The following DAB1 variants were observed in gnomAD, a reference collection of about 807,000 sequenced individuals.
DAB1 encodes DAB adaptor protein 1.
In DAB1, 15 loss-of-function variants were observed where a neutral mutation model predicts 64.6. That is an observed-to-expected ratio of 0.23 (90% CI 0.16 to 0.36). The LOEUF (loss-of-function observed/expected upper bound fraction) is 0.36, where lower values mean the gene tolerates loss of function less well. Among genes scored for constraint, DAB1 ranks in the 10% least tolerant of loss-of-function variants. The pLI, the probability that DAB1 is intolerant of heterozygous loss-of-function variation, is 1.00. For missense variants in DAB1, 596 were observed against 706.7 expected (o/e 0.84, Z 1.78); for synonymous variants, 235 against 251.9 (o/e 0.93, Z 0.64).
chr1:57,286,679 A>T (rs939064512), intron 2 of DAB1, among the ~76,000 whole-genome samples: 1 of 152,224 alleles, frequency 6.6e-6, no homozygotes, highest in African/African-American at 2.4e-5. Context: ...TCCTACCAAA[A>T]ATCATTATAT....
intron 6 of DAB1, among the ~76,000 whole-genome samples, chr1:57,672,970 C>A (rs1172131476): frequency 6.6e-6 from 1 of 152,122 alleles, no homozygotes; most frequent in Non-Finnish European, 1.5e-5. Flanking sequence ...ATCATAGTGA[C>A]TCATCTTTTG....
At chr1:58,020,937 A>G (rs1177410723) in intron 5 of DAB1, among the ~76,000 whole-genome samples, 1 of 152,158 alleles carries the variant, frequency 6.6e-6, no homozygotes, top group Non-Finnish European at 1.5e-5. Flanking sequence ...CAGGAGGTGG[A>G]GGTTTCAGTG....
intron 3 of DAB1, among the ~76,000 whole-genome samples, chr1:58,361,589 T>A (rs577235490): frequency 1.3e-5 from 2 of 152,068 alleles, no homozygotes; most frequent in African/African-American, 4.8e-5. Flanking sequence ...CAGGTATAAG[T>A]TAGTGTATAG....
chr1:58,424,423 T>C (rs978935600), intron 3 of DAB1, among the ~76,000 whole-genome samples: 3 of 152,168 alleles, frequency 2.0e-5, no homozygotes, highest in African/African-American at 4.8e-5. Flanking sequence ...AACTGACACA[T>C]AAAATGAACC....
intron 1 of DAB1, among the ~76,000 whole-genome samples, chr1:57,834,463 C>T (rs935931690): frequency 6.6e-6 from 1 of 151,984 alleles, no homozygotes; most frequent in Non-Finnish European, 1.5e-5. Context: ...TTCATTAGTA[C>T]CTACCATGTA....
intron 3 of DAB1, among the ~76,000 whole-genome samples, chr1:58,469,385 C>T (rs1294260226): frequency 6.6e-6 from 1 of 151,002 alleles, no homozygotes; most frequent in African/African-American, 2.4e-5. Flanking sequence ...GAGTCTGGCA[C>T]CAACAGTAGG....
intron 5 of DAB1, among the ~76,000 whole-genome samples, chr1:57,972,671 C>A (rs1645827299): frequency 6.6e-6 from 1 of 152,182 alleles, no homozygotes; most frequent in Non-Finnish European, 1.5e-5. Flanking sequence ...CTTGAGATGG[C>A]CTCAGGATCT....
At chr1:57,999,765 T>C (rs1646478925) in intron 5 of DAB1, among the ~76,000 whole-genome samples, 1 of 151,712 alleles carries the variant, frequency 6.6e-6, no homozygotes, top group African/African-American at 2.4e-5. Context: ...TCTACAGCTT[T>C]ATGCTGCCTT....
intron 3 of DAB1, among the ~76,000 whole-genome samples, chr1:58,347,199 C>G (rs1003009857): frequency 6.6e-6 from 1 of 152,160 alleles, no homozygotes; most frequent in African/African-American, 2.4e-5. Context: ...CCTCCGCCTC[C>G]CAGGTACAAG....
intron 6 of DAB1, among the ~76,000 whole-genome samples, chr1:57,717,996 A>G (rs138637133): frequency 4.7e-4 from 72 of 152,196 alleles, no homozygotes; most frequent in Non-Finnish European, 7.2e-4. Flanking sequence ...CAAGGGTACA[A>G]ATTTACAGAT....
intron 2 of DAB1, among the ~76,000 whole-genome samples, chr1:57,250,848 T>C (rs1305337273): frequency 6.6e-6 from 1 of 152,214 alleles, no homozygotes; most frequent in African/African-American, 2.4e-5. Flanking sequence ...TCTCATTATA[T>C]AGGTGAGAAA....
At position 56,995,999 on chromosome 1, in the gene DAB1, G is replaced by A. The variant is rs1463936503; in HGVS notation, c.*2145C>T. The A allele has an allele frequency of 6.6e-6, 1 of 152,104 alleles. No individual in the cohort carries two copies. The highest frequency in any genetic ancestry group is 1.9e-4 in the East Asian group (1 of 5,194). The allele number at this position is 152,104 out of a possible 1,614,324, so 9.4% of individuals were successfully genotyped here. A position where few individuals can be genotyped will look rare whatever the true frequency, so the allele number is the denominator to read the frequency against. On this transcript the variant is annotated 3_prime_UTR_variant, in exon 15 of 15. Transcript: ENST00000371236. ...TTCTTCGGACCTTCCACATTAGGAT[G>A]ATATTGACATATATTCTTGAATAGA...
intron 1 of DAB1, among the ~76,000 whole-genome samples, chr1:57,390,653 T>C (rs1352846544): frequency 6.6e-6 from 1 of 152,200 alleles, no homozygotes; most frequent in African/African-American, 2.4e-5. Flanking sequence ...AAGGGGCCTA[T>C]AAAGATGAAT....
At chr1:58,111,989 C>T (rs1651990842) in intron 5 of DAB1, among the ~76,000 whole-genome samples, 1 of 152,176 alleles carries the variant, frequency 6.6e-6, no homozygotes, top group Non-Finnish European at 1.5e-5. Flanking sequence ...AAACCTCGAC[C>T]TACACCATCC....
chr1:57,491,320 C>CGGGA (rs369486222), intron 7 of DAB1, among the ~76,000 whole-genome samples: 5,948 of 151,866 alleles, frequency 0.039, 264 homozygotes, highest in Admixed American at 0.13. Context: ...CCCAGCGACT[C>CGGGA]GGGAGGCTGA....
At chr1:58,037,352 C>T (rs1323227934) in intron 5 of DAB1, among the ~76,000 whole-genome samples, 1 of 152,144 alleles carries the variant, frequency 6.6e-6, no homozygotes, top group African/African-American at 2.4e-5. Flanking sequence ...CAGATCTTCC[C>T]TTACGGCAGG....
intron 7 of DAB1, among the ~76,000 whole-genome samples, chr1:57,467,128 G>A: frequency 6.6e-6 from 1 of 152,156 alleles, no homozygotes; most frequent in East Asian, 1.9e-4. Context: ...CAAATTCACT[G>A]AGGAGCCTTT....
chr1:58,468,876 C>T (rs562936971), intron 3 of DAB1: 2 of 215,256 alleles, frequency 9.3e-6, no homozygotes, highest in East Asian at 3.6e-4. Context: ...GTCAGTCATG[C>T]ATGCCACAGA....
intron 4 of DAB1, among the ~76,000 whole-genome samples, chr1:58,317,822 G>A (rs749255315): frequency 1.3e-5 from 2 of 152,200 alleles, no homozygotes; most frequent in Non-Finnish European, 1.5e-5. Context: ...TAAATCTGCG[G>A]TACTTTGTTA....
Sources: allele counts gnomAD v4.1 joint callset (sites outside exome capture counted in the v4.1 genomes callset), GRCh38; gene constraint gnomAD v4.1.1; transcripts MANE v1.5; gene names NCBI Gene and HGNC (gene_info 2026-07-23, HGNC 2026-07-21).